The following ST6GALNAC3 variants were observed in gnomAD, a reference collection of about 807,000 sequenced individuals.
The protein encoded by ST6GALNAC3 is alpha-N-acetylgalactosaminide alpha-2,6-sialyltransferase 3.
A neutral mutation model predicts 32.7 loss-of-function variants in ST6GALNAC3; 25 were observed. The ratio of observed to expected loss-of-function variants is 0.76; its 90% confidence interval spans 0.56 to 1.07. The LOEUF (loss-of-function observed/expected upper bound fraction) is 1.07, where lower values mean the gene tolerates loss of function less well. Among genes scored for constraint, ST6GALNAC3 ranks in the 50% least tolerant of loss-of-function variants. ST6GALNAC3 has a pLI of 0.00. For synonymous variants in ST6GALNAC3, 129 were observed against 133.1 expected (o/e 0.97, Z 0.21); for missense variants, 355 against 382.4 (o/e 0.93, Z 0.60).
intron 1 of ST6GALNAC3, among the ~76,000 whole-genome samples, chr1:76,269,225 C>T (rs1347826960): frequency 6.6e-6 from 1 of 152,192 alleles, no homozygotes; most frequent in African/African-American, 2.4e-5. Context: ...CCCCTTCCTC[C>T]TTGTTGTCAG....
intron 3 of ST6GALNAC3, among the ~76,000 whole-genome samples, chr1:76,493,187 G>T (rs768492079): frequency 1.3e-5 from 2 of 152,118 alleles, no homozygotes; most frequent in Non-Finnish European, 2.9e-5. Flanking sequence ...AAGAACATCT[G>T]CTCTAAATCT....
At chr1:76,152,707 G>T (rs1282678039) in intron 1 of ST6GALNAC3, among the ~76,000 whole-genome samples, 1 of 152,180 alleles carries the variant, frequency 6.6e-6, no homozygotes, top group Non-Finnish European at 1.5e-5. Context: ...TGAAGTGCTG[G>T]TGTATGACTC....
intron 3 of ST6GALNAC3, among the ~76,000 whole-genome samples, chr1:76,429,756 G>A (rs1655628302): frequency 6.6e-6 from 1 of 152,150 alleles, no homozygotes; most frequent in East Asian, 1.9e-4. Context: ...GCTCTCATCA[G>A]TCTTGGATCA....
intron 1 of ST6GALNAC3, among the ~76,000 whole-genome samples, chr1:76,239,443 A>G (rs549622952): frequency 2.0e-5 from 3 of 152,336 alleles, no homozygotes; most frequent in African/African-American, 7.2e-5. Context: ...CAGAGTGTAC[A>G]GGAAACAATG....
At chr1:76,319,881 C>G (rs556152036) in intron 2 of ST6GALNAC3, among the ~76,000 whole-genome samples, 2 of 152,188 alleles carry the variant, frequency 1.3e-5, no homozygotes, top group East Asian at 1.9e-4. Flanking sequence ...GTACCATGCT[C>G]TTACTCCCAA....
At chr1:76,197,255 A>G (rs1406862659) in intron 1 of ST6GALNAC3, among the ~76,000 whole-genome samples, 1 of 152,182 alleles carries the variant, frequency 6.6e-6, no homozygotes, top group Admixed American at 6.5e-5. Context: ...GATGATTACC[A>G]ATGATGTTGA....
intron 3 of ST6GALNAC3, among the ~76,000 whole-genome samples, chr1:76,521,283 A>G (rs1662516713): frequency 1.4e-5 from 2 of 148,122 alleles, no homozygotes; most frequent in African/African-American, 2.6e-5. Flanking sequence ...ATATATACAG[A>G]CATATATATA....
At chr1:76,121,588 T>C (rs11586933) in intron 1 of ST6GALNAC3, among the ~76,000 whole-genome samples, 22,726 of 151,976 alleles carry the variant, frequency 0.15, 1,801 homozygotes, top group Admixed American at 0.18. Flanking sequence ...TGGTGATGGG[T>C]GCCTGTAATC....
chr1:76,524,885 A>G (rs1041497344), intron 3 of ST6GALNAC3, among the ~76,000 whole-genome samples: 1 of 151,958 alleles, frequency 6.6e-6, no homozygotes, highest in East Asian at 1.9e-4. Context: ...AGAAATATAT[A>G]AAAAAATTTT....
chr1:76,264,832 C>T (rs1180788924), intron 1 of ST6GALNAC3, among the ~76,000 whole-genome samples: 1 of 151,760 alleles, frequency 6.6e-6, no homozygotes, highest in Admixed American at 6.6e-5. Flanking sequence ...CCTTTTTTGA[C>T]CCTAACAACA....
At chr1:76,603,786 C>T (rs542632742) in intron 3 of ST6GALNAC3, among the ~76,000 whole-genome samples, 4 of 152,206 alleles carry the variant, frequency 2.6e-5, no homozygotes, top group Admixed American at 6.5e-5. Context: ...AGTCCTTCCA[C>T]CTCAGTCCCC....
At chr1:76,440,726 C>G (rs952368295) in intron 3 of ST6GALNAC3, among the ~76,000 whole-genome samples, 6 of 152,092 alleles carry the variant, frequency 3.9e-5, no homozygotes, top group African/African-American at 1.4e-4. Flanking sequence ...GAGTCCCTGT[C>G]TGGCAATAAT....
At chr1:76,429,737 C>T (rs1357342272) in intron 3 of ST6GALNAC3, among the ~76,000 whole-genome samples, 1 of 151,988 alleles carries the variant, frequency 6.6e-6, no homozygotes, top group Non-Finnish European at 1.5e-5. Flanking sequence ...CTATGAATGA[C>T]TCTTGGCCGC....
intron 3 of ST6GALNAC3, among the ~76,000 whole-genome samples, chr1:76,564,624 T>C (rs934951765): frequency 3.4e-5 from 5 of 147,582 alleles, no homozygotes; most frequent in East Asian, 2.0e-4. Context: ...CTAGCTCTGT[T>C]GCCCAGGCTG....
chr1:76,140,516 C>T (rs1650243457), intron 1 of ST6GALNAC3, among the ~76,000 whole-genome samples: 1 of 152,140 alleles, frequency 6.6e-6, no homozygotes, highest in Non-Finnish European at 1.5e-5. Context: ...TGTACTTCCT[C>T]TGGCAGAGTG....
chr1:76,543,741 C>G (rs1664129983), intron 3 of ST6GALNAC3, among the ~76,000 whole-genome samples: 1 of 152,128 alleles, frequency 6.6e-6, no homozygotes, highest in Non-Finnish European at 1.5e-5. Flanking sequence ...GCATAACTCC[C>G]ATGCCTCCTA....
chr1:76,439,262 C>A (rs932460846), intron 3 of ST6GALNAC3, among the ~76,000 whole-genome samples: 2 of 152,168 alleles, frequency 1.3e-5, no homozygotes, highest in Admixed American at 6.5e-5. Flanking sequence ...AGGAGGAACA[C>A]CCTGGAGTAA....
chr1:76,562,935 G>A (rs1665331947), intron 3 of ST6GALNAC3, among the ~76,000 whole-genome samples: 1 of 152,128 alleles, frequency 6.6e-6, no homozygotes, highest in Admixed American at 6.5e-5. Flanking sequence ...ATACATTTTG[G>A]TTGCACATAG....
chr1:76,430,808 A>T (rs1337914410), intron 3 of ST6GALNAC3, among the ~76,000 whole-genome samples: 5 of 151,992 alleles, frequency 3.3e-5, no homozygotes, highest in Admixed American at 3.3e-4. Context: ...CTTAACAAAT[A>T]TTTTTTTATG....
Sources: allele counts gnomAD v4.1 joint callset (sites outside exome capture counted in the v4.1 genomes callset), GRCh38; gene constraint gnomAD v4.1.1; transcripts MANE v1.5; gene names NCBI Gene and HGNC (gene_info 2026-07-23, HGNC 2026-07-21).